MAPK10: variants seen among roughly 807,000 people sequenced by gnomAD.
MAPK10 encodes mitogen-activated protein kinase 10, also known as JNK3 alpha protein kinase.
MAPK10 carries 25 observed loss-of-function variants against 59.3 expected under a neutral mutation model. That is an observed-to-expected ratio of 0.42 (90% CI 0.31 to 0.59). MAPK10 has a LOEUF of 0.59. MAPK10 is among the 20% of genes least tolerant of loss of function. The probability of loss-of-function intolerance (pLI) is 0.15; values close to 1 mark genes in which losing one functional copy is unlikely to be tolerated. For missense variants in MAPK10, 351 were observed against 568.9 expected (o/e 0.62, Z 3.90); for synonymous variants, 190 against 200.5 (o/e 0.95, Z 0.44).
chr4:86,464,335 T>C (rs559504906), intron 1 of MAPK10, among the ~76,000 whole-genome samples: 1 of 152,346 alleles, frequency 6.6e-6, no homozygotes, highest in African/African-American at 2.4e-5. Flanking sequence ...GGTAAAGTTT[T>C]CCAAATGCTC....
chr4:86,280,262 CAAAT>C (rs1310203155), intron 2 of MAPK10, among the ~76,000 whole-genome samples: 1 of 152,016 alleles, frequency 6.6e-6, no homozygotes, highest in African/African-American at 2.4e-5. Flanking sequence ...AAGCAAAAAA[CAAAT>C]AACCCCATGA....
At chr4:86,143,542 G>A (rs1298586620) in intron 4 of MAPK10, among the ~76,000 whole-genome samples, 3 of 152,150 alleles carry the variant, frequency 2.0e-5, no homozygotes, top group East Asian at 1.9e-4. Context: ...ACTGTACTAT[G>A]TGTCTCTTTG....
intron 1 of MAPK10, among the ~76,000 whole-genome samples, chr4:86,556,641 A>C (rs868497950): frequency 1.3e-5 from 2 of 152,150 alleles, no homozygotes; most frequent in African/African-American, 4.8e-5. Context: ...AGAAAAGAGA[A>C]ATATTTTTGT....
chr4:86,083,451 A>T (rs2051100016), intron 9 of MAPK10, among the ~76,000 whole-genome samples: 1 of 152,132 alleles, frequency 6.6e-6, no homozygotes, highest in African/African-American at 2.4e-5. Context: ...GTAAAAACAA[A>T]CCAAATTCAG....
chr4:86,382,342 G>C (rs1354868103), intron 1 of MAPK10, among the ~76,000 whole-genome samples: 1 of 152,112 alleles, frequency 6.6e-6, no homozygotes, highest in Non-Finnish European at 1.5e-5. Context: ...GGATTACCTG[G>C]AACCTTCTCA....
At chr4:86,523,170 C>T (rs984533098) in intron 1 of MAPK10, among the ~76,000 whole-genome samples, 12 of 151,904 alleles carry the variant, frequency 7.9e-5, no homozygotes, top group African/African-American at 2.9e-4. Context: ...ATAGGTATAT[C>T]TCTAGCTATT....
intron 2 of MAPK10, among the ~76,000 whole-genome samples, chr4:86,208,453 G>T (rs936847905): frequency 6.7e-6 from 1 of 148,838 alleles, no homozygotes; most frequent in Non-Finnish European, 1.5e-5. Context: ...GTCAATAAAT[G>T]TAATCCAGCA....
intron 2 of MAPK10, among the ~76,000 whole-genome samples, chr4:86,251,431 T>C (rs1237515844): frequency 6.7e-6 from 1 of 148,304 alleles, no homozygotes; most frequent in African/African-American, 2.5e-5. Flanking sequence ...CGGTGTTTGG[T>C]TTTTTGTTCT....
rs1354327822 is a variant in MAPK10, at chr4:86,552,426, G to GAGGAAGGA, written c.-263+41476_-263+41483dup. ...ACAGAGTGAGACCCTGTCTCAAAGA[G>GAGGAAGGA]AGGAAGGAAGGAAGGAAGGAAGGAA... On this transcript the variant is annotated intron_variant, in intron 1 of 4. Transcript: ENST00000502302. 1.2e-3 allele frequency among the ~76,000 whole-genome samples: 126 copies of GAGGAAGGA among 106,994 alleles called. 1 individual carries two copies. The highest frequency in any genetic ancestry group is 3.3e-3 in the African/African-American group (86 of 25,730). The allele number at this position is 106,994 out of a possible 152,430, so 70.2% of individuals were successfully genotyped here.
intron 2 of MAPK10, among the ~76,000 whole-genome samples, chr4:86,241,910 G>T (rs1202676677): frequency 3.3e-5 from 5 of 152,090 alleles, no homozygotes; most frequent in Non-Finnish European, 5.9e-5. Flanking sequence ...GAGGCACTCT[G>T]GTCTTTTGGG....
At chr4:86,353,077 T>C (rs1732429903) in intron 2 of MAPK10, among the ~76,000 whole-genome samples, 1 of 152,168 alleles carries the variant, frequency 6.6e-6, no homozygotes, top group Admixed American at 6.5e-5. Context: ...CTGTGCTTAA[T>C]AGTCCACCAA....
intron 11 of MAPK10, among the ~76,000 whole-genome samples, chr4:86,060,147 G>A (rs73834000): frequency 0.017 from 2,630 of 152,246 alleles, 89 homozygotes; most frequent in African/African-American, 0.06. Context: ...TCTAATCTCA[G>A]GTCTAGCTCC....
At chr4:86,071,629 G>A (rs1274733899) in intron 9 of MAPK10, among the ~76,000 whole-genome samples, 2 of 150,686 alleles carry the variant, frequency 1.3e-5, no homozygotes, top group Non-Finnish European at 3.0e-5. Context: ...AGTTTTCCCA[G>A]CACCATTTAT....
intron 5 of MAPK10, 30 bp from the exon 6 acceptor site, chr4:86,103,274 C>T (rs772624074): frequency 4.6e-6 from 5 of 1,090,476 alleles, no homozygotes; most frequent in African/African-American, 3.1e-5. Context: ...ACAGAGGAAA[C>T]GAGAGAAAGA....
intron 3 of MAPK10, among the ~76,000 whole-genome samples, chr4:86,189,844 T>C (rs1256375320): frequency 6.6e-6 from 1 of 152,220 alleles, no homozygotes; most frequent in African/African-American, 2.4e-5. Flanking sequence ...AAGGGAATTA[T>C]TCCAGCTTTT....
intron 1 of MAPK10, among the ~76,000 whole-genome samples, chr4:86,355,065 T>C (rs1196241070): frequency 6.6e-6 from 1 of 152,148 alleles, no homozygotes; most frequent in Non-Finnish European, 1.5e-5. Context: ...TTTGAAAACC[T>C]CTGAAGTATG....
At chr4:86,441,869 C>T (rs139023046) in intron 1 of MAPK10, among the ~76,000 whole-genome samples, 2 of 152,174 alleles carry the variant, frequency 1.3e-5, no homozygotes, top group African/African-American at 4.8e-5. Flanking sequence ...TGAATAGAAA[C>T]AGTAGTAAAT....
intron 2 of MAPK10, among the ~76,000 whole-genome samples, chr4:86,215,130 C>T (rs2087096760): frequency 6.6e-6 from 1 of 152,172 alleles, no homozygotes; most frequent in African/African-American, 2.4e-5. Context: ...AATTAATTTT[C>T]AACCAGGATG....
At chr4:86,245,458 C>T (rs2093022934) in intron 2 of MAPK10, among the ~76,000 whole-genome samples, 1 of 152,016 alleles carries the variant, frequency 6.6e-6, no homozygotes, top group South Asian at 2.1e-4. Flanking sequence ...ACTACAGATG[C>T]ACGCCATCAC....
Sources: gnomAD v4.1 joint callset for allele counts (sites outside exome capture counted in the v4.1 genomes callset) on GRCh38, gnomAD v4.1.1 for gene constraint, MANE v1.5 for transcripts, NCBI Gene and HGNC (gene_info 2026-07-23, HGNC 2026-07-21) for gene names.